FAM135B: variants seen among roughly 807,000 people sequenced by gnomAD.
FAM135B encodes protein FAM135B.
FAM135B carries 43 observed loss-of-function variants against 127.7 expected under a neutral mutation model. The observed-to-expected ratio is 0.34, with a 90% CI of 0.26 to 0.43. FAM135B has a LOEUF of 0.43. Among genes scored for constraint, FAM135B ranks in the 20% least tolerant of loss-of-function variants. The probability of loss-of-function intolerance (pLI) is 1.00; values close to 1 mark genes in which losing one functional copy is unlikely to be tolerated. For missense variants in FAM135B, 1,558 were observed against 1,725.6 expected (o/e 0.90, Z 1.72); for synonymous variants, 670 against 665.1 (o/e 1.01, Z -0.11).
rs369285246 is a variant in FAM135B, at chr8:138,158,708, C to T, written c.1259-5492G>A. On this transcript the variant is annotated intron_variant, in intron 12 of 19. Coordinates refer to ENST00000395297, the MANE Select transcript of FAM135B (RefSeq NM_015912.4). ...ATGAAAAAATGTTCATCATCACTGG[C>T]CATCAGAGAAATGCAAATCAAAACC... Among the ~76,000 whole-genome samples, 54 of 152,230 alleles carry T rather than the reference C, an allele frequency of 3.5e-4. No homozygotes were observed. In the East Asian group the frequency reaches 6.6e-3, roughly 19 times the overall value.
chr8:138,170,978 C>T (rs755311433), intron 11 of FAM135B, among the ~76,000 whole-genome samples: 1 of 152,164 alleles, frequency 6.6e-6, no homozygotes, highest in Non-Finnish European at 1.5e-5. Flanking sequence ...AGCTCTTGGA[C>T]TCTGGGACTC....
chr8:138,339,088 C>T (rs1279681084), intron 2 of FAM135B, among the ~76,000 whole-genome samples: 1 of 140,782 alleles, frequency 7.1e-6, no homozygotes, highest in Non-Finnish European at 1.5e-5. Context: ...GGAAAGGGAA[C>T]ATCACACACC....
Position 138,151,843 on chromosome 8 carries a change from G to A in FAM135B, c.2632C>T (p.Leu878Phe), listed in dbSNP as rs749205468. 13 of 1,614,028 alleles carry A rather than the reference G, an allele frequency of 8.1e-6. No individual in the cohort carries two copies. In the South Asian group the frequency reaches 1.3e-4, roughly 16 times the overall value. ...ENTPGVETKG[L>F]NLKIPRVIAL... is the part of the protein sequence containing the mutation. ...ATGACGCGTGGTATTTTTAAATTAA[G>A]ACCTTTGGTTTCAACACCTGGAGTG... Residue 878 changes from leucine (L) to phenylalanine (F), a missense_variant, in exon 13 of 20, where the codon CTT becomes TTT. Leu to Phe is a conservative substitution (Grantham distance 22). Around this residue, in one of 5 missense-constraint regions of FAM135B, gnomAD observed 923 missense variants for 865.3 expected, o/e 1.07. Transcript: ENST00000395297.
rs768196647 is a variant in FAM135B at position 138,152,536 on chromosome 8, T to C, written c.1939A>G (p.Thr647Ala). Residue 647 changes from threonine to alanine, a missense_variant, in exon 13 of 20, where the codon ACC becomes GCC. Around this residue, in one of 5 missense-constraint regions of FAM135B, gnomAD observed 923 missense variants for 865.3 expected, o/e 1.07. Transcript: ENST00000395297. ...CTAATATCTAAGGGCTCCCTCAGGG[T>C]AGAACTTAGTGGATCACAGGGCTCA... Reference protein sequence around the residue: ...PSEPCDPLSSTLREPLDIRSS... With the variant: ...PSEPCDPLSSALREPLDIRSS... 1.2e-6 allele frequency: 2 copies of C among 1,614,004 alleles called. No individual in the cohort carries two copies. Among genetic ancestry groups the C allele is most frequent in the Admixed American group, 3.3e-5 (2 of 59,996 alleles).
At chr8:138,283,590 C>T (rs1824442441) in intron 3 of FAM135B, among the ~76,000 whole-genome samples, 3 of 152,014 alleles carry the variant, frequency 2.0e-5, no homozygotes, top group Admixed American at 2.0e-4. Flanking sequence ...CAAGAATGAA[C>T]CCTAATATAA....
chr8:138,303,622 A>AC (rs1826039695), intron 3 of FAM135B, among the ~76,000 whole-genome samples: 1 of 152,216 alleles, frequency 6.6e-6, no homozygotes, highest in Non-Finnish European at 1.5e-5. Flanking sequence ...AGAAGTAGCC[A>AC]CTATGCTAAT....
chr8:138,394,348 A>G (rs1408281442), intron 1 of FAM135B, among the ~76,000 whole-genome samples: 1 of 152,160 alleles, frequency 6.6e-6, no homozygotes, highest in Non-Finnish European at 1.5e-5. Context: ...GCTGTACCAC[A>G]TCATCTCCTT....
intron 9 of FAM135B, among the ~76,000 whole-genome samples, chr8:138,185,633 C>T (rs2131037963): frequency 6.6e-6 from 1 of 152,270 alleles, no homozygotes; most frequent in South Asian, 2.1e-4. Flanking sequence ...TTAGTAGTCC[C>T]TGCTAGGAGG....
rs1414592115 is a variant in FAM135B, at chr8:138,242,892, G to A, written c.669+50C>T. On this transcript the variant is annotated intron_variant, in intron 7 of 19. Transcript: ENST00000395297. The surrounding 1 kb of genome is among the most constrained non-coding windows in gnomAD (Gnocchi z 9.6). ...ATGAATCTCATAGAACATACACTCTGCAAAGTAAAGTTTGAAAGTTTTGAA... is the reference window on the plus strand; with the variant it reads ...ATGAATCTCATAGAACATACACTCTACAAAGTAAAGTTTGAAAGTTTTGAA... The A allele has an allele frequency of 6.3e-7, 1 of 1,583,296 alleles. No individual in the cohort carries two copies. The highest frequency in any genetic ancestry group is 1.7e-4 in the Middle Eastern group (1 of 5,856).
chr8:138,165,125 T>G (rs1415926237), intron 12 of FAM135B, among the ~76,000 whole-genome samples: 1 of 150,096 alleles, frequency 6.7e-6, no homozygotes, highest in Non-Finnish European at 1.5e-5. Flanking sequence ...TTAATTGATT[T>G]TTTTTTTTTT....
At chr8:138,183,857 G>C (rs1463901292) in intron 9 of FAM135B, among the ~76,000 whole-genome samples, 1 of 152,178 alleles carries the variant, frequency 6.6e-6, no homozygotes, top group Non-Finnish European at 1.5e-5. Flanking sequence ...TTGGAGACAC[G>C]TTTTGCAGTT....
At chr8:138,432,137 G>T (rs1052023380) in intron 1 of FAM135B, among the ~76,000 whole-genome samples, 26 of 152,280 alleles carry the variant, frequency 1.7e-4, no homozygotes, top group Admixed American at 1.7e-3. Context: ...TATAAACAAA[G>T]TTGGCACAAA....
intron 1 of FAM135B, among the ~76,000 whole-genome samples, chr8:138,405,819 C>G (rs1248904532): frequency 1.3e-5 from 2 of 151,862 alleles, no homozygotes; most frequent in Admixed American, 6.6e-5. Flanking sequence ...AACTAGTTTA[C>G]AGTCCCACCA....
Position 138,130,293 on chromosome 8 carries a change from C to A in FAM135B, c.*2300G>T, listed in dbSNP as rs963859838. ...AAGCCTTTTCAAATGAGGCATGACA[C>A]GCAACACTCGACACTCTTATTTACA... is the stretch of plus-strand genomic sequence containing the variant. On this transcript the variant is annotated 3_prime_UTR_variant, in exon 20 of 20. Transcript: ENST00000395297. The A allele has an allele frequency of 6.6e-6, 1 of 151,752 alleles. No individual in the cohort carries two copies. The highest frequency in any genetic ancestry group is 1.9e-4 in the East Asian group (1 of 5,192). The allele number at this position is 151,752 out of a possible 1,614,324, so 9.4% of individuals were successfully genotyped here. A position where few individuals can be genotyped will look rare whatever the true frequency, so the allele number is the denominator to read the frequency against.
At chr8:138,287,537 T>G (rs1824789421) in intron 3 of FAM135B, among the ~76,000 whole-genome samples, 2 of 151,370 alleles carry the variant, frequency 1.3e-5, no homozygotes, top group Admixed American at 1.3e-4. Context: ...ACCTTTCACA[T>G]GTTTTCACAA....
chr8:138,337,340 A>G (rs1026191481), intron 2 of FAM135B, among the ~76,000 whole-genome samples: 11 of 152,098 alleles, frequency 7.2e-5, no homozygotes, highest in African/African-American at 2.4e-4. Context: ...AGATGACATC[A>G]TTGTATATCT....
At chr8:138,304,762 C>G (rs1826115569) in intron 3 of FAM135B, among the ~76,000 whole-genome samples, 3 of 152,162 alleles carry the variant, frequency 2.0e-5, no homozygotes, top group Admixed American at 2.0e-4. Flanking sequence ...CTGGCTTGGC[C>G]CAAAGGAAGT....
chr8:138,219,224 C>T (rs1346406139), intron 7 of FAM135B, among the ~76,000 whole-genome samples: 3 of 152,164 alleles, frequency 2.0e-5, no homozygotes, highest in Admixed American at 1.3e-4. Flanking sequence ...TTATGCGTAA[C>T]ATGGGAGATA....
At chr8:138,408,156 G>C (rs914575852) in intron 1 of FAM135B, among the ~76,000 whole-genome samples, 24 of 152,160 alleles carry the variant, frequency 1.6e-4, no homozygotes, top group Non-Finnish European at 2.6e-4. Flanking sequence ...AACAAAAGAC[G>C]TCAGCCTTGG....
Sources: gnomAD v4.1 joint callset for allele counts (sites outside exome capture counted in the v4.1 genomes callset) on GRCh38, gnomAD v4.1.1 for gene constraint, gnomAD v4.1.1 regional missense constraint, Gnocchi (gnomAD v3.1) non-coding constraint, MANE v1.5 for transcripts, NCBI Gene and HGNC (gene_info 2026-07-23, HGNC 2026-07-21) for gene names.